PRKN: variants seen among roughly 807,000 people sequenced by gnomAD.
PRKN encodes the protein E3 ubiquitin-protein ligase parkin.
Under a neutral mutation model 59.5 loss-of-function variants are expected in PRKN, and 56 were observed. The ratio of observed to expected loss-of-function variants is 0.94; its 90% CI spans 0.76 to 1.18. PRKN has a LOEUF of 1.18. Among genes scored for constraint, PRKN ranks in the 50% most tolerant of loss-of-function variants. The probability of loss-of-function intolerance (pLI) is 0.00; values close to 1 mark genes in which losing one functional copy is unlikely to be tolerated. For synonymous variants in PRKN, 250 were observed against 222.1 expected, an observed-to-expected ratio of 1.13 and a Z score of -1.12; for missense variants, 657 against 596.4, an observed-to-expected ratio of 1.10 and a Z score of -1.06.
chr6:161,412,688 T>A (rs62636151), intron 9 of PRKN, among the ~76,000 whole-genome samples: 9,862 of 150,958 alleles, frequency 0.065, 388 homozygotes, highest in Non-Finnish European at 0.078. Context: ...CGCTCACTCA[T>A]TCCTTTACTA....
At chr6:162,152,188 T>A (rs1476830414) in intron 4 of PRKN, among the ~76,000 whole-genome samples, 1 of 152,300 alleles carries the variant, frequency 6.6e-6, no homozygotes, top group South Asian at 2.1e-4. Context: ...TCCTGCCAAA[T>A]GCAAGCAACC....
chr6:161,564,793 G>A (rs928979052), intron 8 of PRKN, among the ~76,000 whole-genome samples: 2 of 152,108 alleles, frequency 1.3e-5, no homozygotes, highest in Non-Finnish European at 2.9e-5. Flanking sequence ...AGCGTGCACA[G>A]GGGTGGTACT....
chr6:162,105,412 T>A (rs995635563), intron 4 of PRKN, among the ~76,000 whole-genome samples: 15 of 152,198 alleles, frequency 9.9e-5, no homozygotes, highest in African/African-American at 3.6e-4. Context: ...AAAATATTCA[T>A]TTTTTAAAGA....
intron 7 of PRKN, among the ~76,000 whole-genome samples, chr6:161,633,591 T>C (rs1783396183): frequency 6.6e-6 from 1 of 152,236 alleles, no homozygotes. Context: ...TAAATATTCC[T>C]GGTGGAATAA....
At chr6:161,740,001 C>T (rs1221307972) in intron 7 of PRKN, among the ~76,000 whole-genome samples, 10 of 152,140 alleles carry the variant, frequency 6.6e-5, no homozygotes, top group Admixed American at 5.2e-4. Context: ...GTGATCTGCC[C>T]AGCTCGTCCT....
intron 2 of PRKN, among the ~76,000 whole-genome samples, chr6:162,288,125 T>C (rs143118006): frequency 2.0e-4 from 30 of 152,300 alleles, no homozygotes; most frequent in Middle Eastern, 3.4e-3. Context: ...GCCTAACTCT[T>C]ACAGTTTCCC....
At chr6:162,305,224 A>G (rs905650873) in intron 2 of PRKN, among the ~76,000 whole-genome samples, 2 of 152,162 alleles carry the variant, frequency 1.3e-5, no homozygotes, top group African/African-American at 2.4e-5. Flanking sequence ...TGTCATGGCT[A>G]ATTATGCCCT....
chr6:161,899,658 C>T (rs1325198563), intron 6 of PRKN, among the ~76,000 whole-genome samples: 2 of 152,180 alleles, frequency 1.3e-5, no homozygotes, highest in African/African-American at 4.8e-5. Context: ...ACCTGCTTAT[C>T]TTCGAATGGG....
chr6:162,609,939 T>C (rs139527996), intron 1 of PRKN, among the ~76,000 whole-genome samples: 163 of 152,336 alleles, frequency 1.1e-3, no homozygotes, highest in African/African-American at 3.6e-3. Flanking sequence ...CGATTATACA[T>C]TAATTACATG....
chr6:162,424,713 T>A (rs1442670389), intron 2 of PRKN, among the ~76,000 whole-genome samples: 2 of 146,546 alleles, frequency 1.4e-5, no homozygotes, highest in Admixed American at 7.0e-5. Flanking sequence ...CCAGCCTGGG[T>A]GACAGAGCAA....
At chr6:161,476,990 G>A (rs530712483) in intron 9 of PRKN, among the ~76,000 whole-genome samples, 1 of 152,230 alleles carries the variant, frequency 6.6e-6, no homozygotes, top group Non-Finnish European at 1.5e-5. Context: ...AGTAAGGCAG[G>A]CACGGAAGTG....
rs528655224 is a variant in PRKN, at chr6:161,870,052, A to G, written c.735-84144T>C. On this transcript the variant is annotated intron_variant, in intron 6 of 11. Coordinates refer to ENST00000366898, the MANE Select transcript of PRKN (RefSeq NM_004562.3). Reference sequence around the variant, plus strand: ...AAACAAAATAAAATACCAATCATCTATGTATTGAGGGTAGAGGATAGAAAA... The same window carrying G: ...AAACAAAATAAAATACCAATCATCTGTGTATTGAGGGTAGAGGATAGAAAA... Among the ~76,000 whole-genome samples, 32 of 152,320 alleles carry G rather than the reference A, an allele frequency of 2.1e-4. No homozygotes were observed. In the South Asian group the frequency reaches 6.4e-3, roughly 31 times the overall value.
At position 162,374,390 on chromosome 6, in the gene PRKN, GTT is replaced by G. The variant is rs35660808; in HGVS notation, c.171+68918_171+68919del. 8.7e-3 allele frequency among the ~76,000 whole-genome samples: 1,263 copies of G among 144,402 alleles called. 21 individuals are homozygous for G. Among genetic ancestry groups the G allele is most frequent in the African/African-American group, 0.029 (1,152 of 39,646 alleles). The allele number at this position is 144,402 out of a possible 152,430, so 94.7% of individuals were successfully genotyped here. On this transcript the variant is annotated intron_variant, in intron 2 of 11. Transcript: ENST00000366898. ...AGGAGATAAAACCTGGTCTGCTATA[GTT>G]TTTTTTTTTTTTTAAGTTTTAGTTT...
chr6:162,495,835 T>C (rs1478795332), intron 1 of PRKN, among the ~76,000 whole-genome samples: 1 of 152,180 alleles, frequency 6.6e-6, no homozygotes, highest in African/African-American at 2.4e-5. Context: ...ATCCCACACC[T>C]GGACAGCCTG....
At position 161,458,289 on chromosome 6, in the gene PRKN, G is replaced by A. The variant is rs6923349; in HGVS notation, c.1084-71412C>T. Among the ~76,000 whole-genome samples, 485 of 152,182 alleles carry A rather than the reference G, an allele frequency of 3.2e-3. 3 individuals carry two copies. The highest frequency in any genetic ancestry group is 0.02 in the Middle Eastern group (6 of 294). On this transcript the variant is annotated intron_variant, in intron 9 of 11. Coordinates refer to ENST00000366898, the MANE Select transcript of PRKN (RefSeq NM_004562.3). This position sits in a 1 kb window ranked among gnomAD's most constrained non-coding sequence, Gnocchi z 6.1. ...TTCTTTAATCATGATCATTATTGGAGAATATGATTGAAATTTTAATTATTA... is the reference window on the plus strand; with the variant it reads ...TTCTTTAATCATGATCATTATTGGAAAATATGATTGAAATTTTAATTATTA...
intron 1 of PRKN, among the ~76,000 whole-genome samples, chr6:162,723,478 G>C (rs188444711): frequency 6.6e-6 from 1 of 152,258 alleles, no homozygotes; most frequent in East Asian, 1.9e-4. Context: ...AGAGAGGTGG[G>C]GGACCGGAGA....
At chr6:161,877,944 G>A (rs762450207) in intron 6 of PRKN, among the ~76,000 whole-genome samples, 7 of 151,908 alleles carry the variant, frequency 4.6e-5, no homozygotes, top group Non-Finnish European at 1.0e-4. Flanking sequence ...ATGAGGGAGT[G>A]GGTGGGCTCA....
At chr6:161,759,783 G>A (rs557330814) in intron 7 of PRKN, among the ~76,000 whole-genome samples, 1 of 152,206 alleles carries the variant, frequency 6.6e-6, no homozygotes, top group South Asian at 2.1e-4. Flanking sequence ...ACATTGCAGA[G>A]TATATATCTG....
intron 6 of PRKN, among the ~76,000 whole-genome samples, chr6:161,914,110 A>G (rs1387908733): frequency 6.6e-6 from 1 of 152,206 alleles, no homozygotes; most frequent in Non-Finnish European, 1.5e-5. Flanking sequence ...ATGAAGCATC[A>G]TTTGTAATAT....
Sources: allele counts gnomAD v4.1 joint callset (sites outside exome capture counted in the v4.1 genomes callset), GRCh38; gene constraint gnomAD v4.1.1; non-coding constraint Gnocchi (gnomAD v3.1); transcripts MANE v1.5; gene names NCBI Gene and HGNC (gene_info 2026-07-23, HGNC 2026-07-21).